The following GATA6 variants were observed in gnomAD, a reference collection of about 807,000 sequenced individuals.
GATA6 encodes the protein transcription factor GATA-6.
Under a neutral mutation model 48.1 loss-of-function variants are expected in GATA6, and 11 were observed. That is an observed-to-expected ratio of 0.23 (90% CI 0.14 to 0.38). GATA6 has a LOEUF of 0.38. GATA6 is among the 10% of genes least tolerant of loss of function. The pLI is 1.00. For missense variants in GATA6, 795 were observed against 850.3 expected, an observed-to-expected ratio of 0.93 and a Z score of 0.81; for synonymous variants, 419 against 396.1, an observed-to-expected ratio of 1.06 and a Z score of -0.69.
intron 6 of GATA6, among the ~76,000 whole-genome samples, chr18:22,187,784 G>A (rs1360624204): frequency 5.9e-5 from 9 of 151,798 alleles, no homozygotes; most frequent in Admixed American, 4.6e-4. Flanking sequence ...AATTTCTTTT[G>A]TAATAGGAGG....
At position 22,178,551 on chromosome 18, in the gene GATA6, T is replaced by A. The variant is rs2033155628; in HGVS notation, c.1302+1430T>A. 3.9e-5 allele frequency among the ~76,000 whole-genome samples: 6 copies of A among 152,242 alleles called. No homozygotes were observed. In the South Asian group the frequency reaches 1.0e-3, roughly 26 times the overall value. ...GAACAAATGCTACACATGTTGTTTG[T>A]GTTAAATAGATTAGAGTGAAATTGC... On this transcript the variant is annotated intron_variant, in intron 3 of 6. Coordinates refer to ENST00000269216, the MANE Select transcript of GATA6 (RefSeq NM_005257.6).
chr18:22,194,680 A>G (rs1486780983), intron 6 of GATA6, among the ~76,000 whole-genome samples: 2 of 152,090 alleles, frequency 1.3e-5, no homozygotes, highest in African/African-American at 2.4e-5. Flanking sequence ...CCAGGATCAT[A>G]GTATATTTTT....
intron 6 of GATA6, among the ~76,000 whole-genome samples, chr18:22,193,261 G>A (rs1467474267): frequency 1.3e-5 from 2 of 152,182 alleles, no homozygotes; most frequent in South Asian, 2.1e-4. Flanking sequence ...CACATGTCCT[G>A]GTGGAGACAG....
At chr18:22,200,506 C>T (rs1201872597) in intron 6 of GATA6, 150 bp from the exon 7 acceptor site, 20 of 959,076 alleles carry the variant, frequency 2.1e-5, no homozygotes, top group Admixed American at 8.6e-5. Flanking sequence ...ATAGTAACGC[C>T]GGCTTCATTT....
intron 2 of GATA6, among the ~76,000 whole-genome samples, chr18:22,174,858 C>T (rs928341896): frequency 8.5e-5 from 13 of 152,194 alleles, no homozygotes; most frequent in Non-Finnish European, 1.6e-4. Flanking sequence ...ATGCACCTCT[C>T]GCTGACTGGG....
rs1311359475 is a variant in GATA6 at position 22,185,287 on chromosome 18, C to G, written c.1620+2244C>G. ...TGCCCTTCAGAGGAAAGATCAGTTCCCCACCAGAGGCCAGGAGGCAAAGCA... is the reference window on the plus strand; with the variant it reads ...TGCCCTTCAGAGGAAAGATCAGTTCGCCACCAGAGGCCAGGAGGCAAAGCA... On this transcript the variant is annotated intron_variant, in intron 6 of 6. Transcript: ENST00000269216. This position sits in a 1 kb window ranked among gnomAD's most constrained non-coding sequence, Gnocchi z 4.3. 1.3e-5 allele frequency among the ~76,000 whole-genome samples: 2 copies of G among 152,174 alleles called. No individual in the cohort carries two copies. Among genetic ancestry groups the G allele is most frequent in the Non-Finnish European group, 2.9e-5 (2 of 68,034 alleles).
chr18:22,191,177 C>T (rs1264076196), intron 6 of GATA6, among the ~76,000 whole-genome samples: 2 of 151,782 alleles, frequency 1.3e-5, no homozygotes, highest in African/African-American at 4.8e-5. Flanking sequence ...TAGTTTGTAA[C>T]ATATGTCCAC....
In GATA6 at chr18:22,170,973, A is replaced by G. The variant is rs2143272661; in HGVS notation, c.-37-135A>G. On this transcript the variant is annotated intron_variant, in intron 1 of 6. Transcript: ENST00000269216. The surrounding 1 kb of genome is among the most constrained non-coding windows in gnomAD (Gnocchi z 6.7). The stretch of plus-strand genomic sequence containing the variant: ...CGGGGCAGAAATAGGATCTTTGAGA[A>G]GTCTCAAATGGGATCTTTGAGAAGT... 1 of 636,366 alleles carries G rather than the reference A, an allele frequency of 1.6e-6. No homozygotes were observed. Among genetic ancestry groups the G allele is most frequent in the Non-Finnish European group, 2.8e-6 (1 of 357,840 alleles). The allele number at this position is 636,366 out of a possible 1,614,324, so 39.4% of individuals were successfully genotyped here. A position where few individuals can be genotyped will look rare whatever the true frequency, so the allele number is the denominator to read the frequency against.
rs756181712 is a variant in GATA6, at chr18:22,171,281, G to T, written c.137G>T (p.Cys46Phe). 6.3e-7 allele frequency: 1 copy of T among 1,594,720 alleles called. No homozygotes were observed. The highest frequency in any genetic ancestry group is 8.5e-7 in the Non-Finnish European group (1 of 1,176,578). ...CCCATCTCTTCCTCGTCCTCCTCCTGCTCCCGGGGCGGAGAGCGGGGCCCC... is the reference window on the plus strand; with the variant it reads ...CCCATCTCTTCCTCGTCCTCCTCCTTCTCCCGGGGCGGAGAGCGGGGCCCC... Reference protein sequence around the residue: ...PSPISSSSSSCSRGGERGPGG... With the variant: ...PSPISSSSSSFSRGGERGPGG... The change falls in exon 2 of 7, where the codon TGC becomes TTC. Residue 46 changes from cysteine (C) to phenylalanine (F), a missense_variant. By Grantham distance (205) the Cys-to-Phe change is radical. Coordinates refer to ENST00000269216, the MANE Select transcript of GATA6 (RefSeq NM_005257.6). The surrounding 1 kb of genome is among the most constrained non-coding windows in gnomAD (Gnocchi z 7.1).
rs2033475644 is a variant in GATA6, at chr18:22,202,450, T to C, written c.*1627T>C. ...GGTAGAAATGATTCCAGTGGCCTCT[T>C]TGTATTTTCTTCATTGTTGAGTAGA... On this transcript the variant is annotated 3_prime_UTR_variant, in exon 7 of 7. Transcript: ENST00000269216. 6.6e-6 allele frequency: 1 copy of C among 152,180 alleles called. No individual in the cohort carries two copies. Among genetic ancestry groups the C allele is most frequent in the Non-Finnish European group, 1.5e-5 (1 of 68,036 alleles). The allele number at this position is 152,180 out of a possible 1,614,324, so 9.4% of individuals were successfully genotyped here.
chr18:22,176,579 C>A (rs1457437120), intron 2 of GATA6: 2 of 176,740 alleles, frequency 1.1e-5, no homozygotes, highest in Admixed American at 1.3e-4. Context: ...GGTTTGGCAA[C>A]GACGTACTGT....
Position 22,176,905 on chromosome 18 carries a change from G to A in GATA6, c.1136-50G>A, listed in dbSNP as rs775508891. The A allele has an allele frequency of 8.4e-5, 127 of 1,512,132 alleles. 1 individual carries two copies. Among genetic ancestry groups the A allele is most frequent in the Non-Finnish European group, 1.1e-4 (120 of 1,135,194 alleles). The allele number at this position is 1,512,132 out of a possible 1,614,324, so 93.7% of individuals were successfully genotyped here. ...GGGTCCCCGGGGTGACGCGGGGAGG[G>A]ACGGGTCCGGCGCGCCCACTCCCGC... is the stretch of plus-strand genomic sequence containing the variant. On this transcript the variant is annotated intron_variant, in intron 2 of 6. Coordinates refer to ENST00000269216, the MANE Select transcript of GATA6 (RefSeq NM_005257.6).
intron 3 of GATA6, among the ~76,000 whole-genome samples, chr18:22,180,959 G>C (rs1019765062): frequency 2.0e-5 from 3 of 152,110 alleles, no homozygotes; most frequent in African/African-American, 7.2e-5. Flanking sequence ...GTGGGCGGCA[G>C]GGAGGTGGGG....
rs1157916092 is a variant in GATA6 at position 22,171,924 on chromosome 18, G to T, written c.780G>T (p.Ser260=). 9.3e-6 allele frequency: 11 copies of T among 1,180,394 alleles called. No individual in the cohort carries two copies. Among genetic ancestry groups the T allele is most frequent in the African/African-American group, 1.6e-5 (1 of 62,206 alleles). The allele number at this position is 1,180,394 out of a possible 1,614,324, so 73.1% of individuals were successfully genotyped here. A position where few individuals can be genotyped will look rare whatever the true frequency, so the allele number is the denominator to read the frequency against. Residue 260 remains serine (S), a synonymous_variant, in exon 2 of 7, where the codon TCG becomes TCT. Coordinates refer to ENST00000269216, the MANE Select transcript of GATA6 (RefSeq NM_005257.6). The surrounding 1 kb of genome is among the most constrained non-coding windows in gnomAD (Gnocchi z 7.1). ...CTGGCTCAGCCGCGGCGCACGTCTC[G>T]GCGCGCTTCCCCTACTCTCCCAGCC... The part of the protein sequence containing the change: ...GGAGSAAAHV[S]ARFPYSPSPP...
At chr18:22,196,593 T>C (rs1360283369) in intron 6 of GATA6, among the ~76,000 whole-genome samples, 2 of 151,970 alleles carry the variant, frequency 1.3e-5, no homozygotes, top group African/African-American at 4.8e-5. Context: ...ATACAAAAAT[T>C]AGCTGGGCAT....
At chr18:22,188,596 A>G (rs956057714) in intron 6 of GATA6, among the ~76,000 whole-genome samples, 1 of 152,206 alleles carries the variant, frequency 6.6e-6, no homozygotes, top group Non-Finnish European at 1.5e-5. Context: ...TTTCAAATCA[A>G]CGATGGACTT....
At chr18:22,189,432 G>T (rs1211274741) in intron 6 of GATA6, among the ~76,000 whole-genome samples, 2 of 152,108 alleles carry the variant, frequency 1.3e-5, no homozygotes, top group African/African-American at 4.8e-5. Context: ...GTGCAGGGGG[G>T]TTCTTTATTA....
intron 6 of GATA6, among the ~76,000 whole-genome samples, chr18:22,184,309 G>A (rs2033235704): frequency 6.7e-6 from 1 of 150,242 alleles, no homozygotes; most frequent in African/African-American, 2.4e-5. Flanking sequence ...TCTTTTTAGA[G>A]TTTCACAAGG....
intron 5 of GATA6, 34 bp from the exon 6 acceptor site, chr18:22,182,906 T>G (rs756378515): frequency 1.9e-6 from 3 of 1,597,782 alleles, no homozygotes; most frequent in African/African-American, 2.7e-5. Flanking sequence ...GTAGAGCATA[T>G]GTATATTTAT....
Sources: gnomAD v4.1 joint callset for allele counts (sites outside exome capture counted in the v4.1 genomes callset) on GRCh38, gnomAD v4.1.1 for gene constraint, Gnocchi (gnomAD v3.1) non-coding constraint, MANE v1.5 for transcripts, NCBI Gene and HGNC (gene_info 2026-07-23, HGNC 2026-07-21) for gene names.